Variants in TRAF5 observed in about 807,000 individuals in gnomAD.
The protein encoded by TRAF5 is TNF receptor-associated factor 5.
TRAF5 carries 48 observed loss-of-function variants against 64.5 expected under a neutral mutation model. The observed-to-expected ratio is 0.74, with a 90% CI of 0.59 to 0.95. TRAF5 has a LOEUF of 0.95. TRAF5 is among the 40% of genes least tolerant of loss of function. The pLI, the probability that TRAF5 is intolerant of heterozygous loss-of-function variation, is 0.00. For missense variants in TRAF5, 545 were observed against 662.8 expected (o/e 0.82, Z 1.95); for synonymous variants, 206 against 240.5 (o/e 0.86, Z 1.33).
At chr1:211,356,822 C>T (rs1033564653) in intron 4 of TRAF5, 2 of 181,592 alleles carry the variant, frequency 1.1e-5, no homozygotes, top group Admixed American at 1.2e-4. Flanking sequence ...CAGGGCATGA[C>T]TACAGAAAGA....
chr1:211,333,165 G>T (rs372240278), intron 1 of TRAF5, among the ~76,000 whole-genome samples: 1 of 152,152 alleles, frequency 6.6e-6, no homozygotes, highest in East Asian at 1.9e-4. Flanking sequence ...AATAGCTCTA[G>T]GCCCTTCTTT....
chr1:211,352,852 C>T (rs986871749), intron 1 of TRAF5, among the ~76,000 whole-genome samples: 6 of 152,130 alleles, frequency 3.9e-5, no homozygotes, highest in African/African-American at 1.2e-4. Context: ...ACCTGTGTTT[C>T]CATTCTCTCA....
intron 1 of TRAF5, among the ~76,000 whole-genome samples, chr1:211,345,365 C>G (rs1000128516): frequency 6.6e-6 from 1 of 151,902 alleles, no homozygotes; most frequent in Admixed American, 6.6e-5. Flanking sequence ...CTGCGCTCCC[C>G]CCCCCTCCTT....
intron 1 of TRAF5, among the ~76,000 whole-genome samples, chr1:211,329,986 C>G (rs907466140): frequency 1.3e-5 from 2 of 152,122 alleles, no homozygotes; most frequent in Non-Finnish European, 2.9e-5. Context: ...TCCAGCAAGT[C>G]CTATCTTGTG....
intron 4 of TRAF5, chr1:211,357,279 C>T (rs1158087526): frequency 6.6e-6 from 1 of 152,230 alleles, no homozygotes; most frequent in African/African-American, 2.4e-5. Context: ...TCAGTCTTTT[C>T]TCTATCACAC....
At chr1:211,341,620 G>A (rs934955482) in intron 1 of TRAF5, among the ~76,000 whole-genome samples, 4 of 152,276 alleles carry the variant, frequency 2.6e-5, no homozygotes, top group African/African-American at 9.6e-5. Context: ...CACCTGGAAG[G>A]TGTGTTTCCA....
chr1:211,336,185 C>T (rs528410405), intron 1 of TRAF5, among the ~76,000 whole-genome samples: 1 of 152,194 alleles, frequency 6.6e-6, no homozygotes, highest in South Asian at 2.1e-4. Flanking sequence ...ATCTCTAGCA[C>T]CTTGTACAAT....
At chr1:211,327,687 G>C (rs545482580) in intron 1 of TRAF5, among the ~76,000 whole-genome samples, 11 of 152,302 alleles carry the variant, frequency 7.2e-5, no homozygotes, top group African/African-American at 2.6e-4. Context: ...GACTTTCTCT[G>C]CTCATTCGGC....
At chr1:211,345,369 C>A (rs145920479) in intron 1 of TRAF5, among the ~76,000 whole-genome samples, 19 of 152,000 alleles carry the variant, frequency 1.3e-4, no homozygotes, top group Non-Finnish European at 1.6e-4. Context: ...GCTCCCCCCC[C>A]CTCCTTTTTT....
chr1:211,346,222 T>G, intron 1 of TRAF5: 1 of 297,214 alleles, frequency 3.4e-6, no homozygotes, highest in Non-Finnish European at 5.0e-6. Context: ...TACCAGTTCT[T>G]TGTCGAAATC....
Position 211,374,434 on chromosome 1 carries a change from G to C in TRAF5, c.*1732G>C, listed in dbSNP as rs936098490. On this transcript the variant is annotated 3_prime_UTR_variant, in exon 11 of 11. Coordinates refer to ENST00000261464, the MANE Select transcript of TRAF5 (RefSeq NM_001033910.3). ...AGCATGCTTTATATGAGTGTCTTCT[G>C]GGAAGAGGAACCTTCTTAATCTCTT... is the stretch of plus-strand genomic sequence containing the variant. 2.0e-5 allele frequency: 3 copies of C among 152,208 alleles called. No homozygotes were observed. The East Asian group carries it at 5.8e-4, about 29-fold the overall frequency. The allele number at this position is 152,208 out of a possible 1,614,324, so 9.4% of individuals were successfully genotyped here.
intron 1 of TRAF5, among the ~76,000 whole-genome samples, chr1:211,345,517 C>T (rs1044171633): frequency 4.6e-5 from 7 of 152,154 alleles, no homozygotes; most frequent in East Asian, 1.9e-4. Context: ...TCCAGAGACC[C>T]GTTGGGTCAC....
intron 1 of TRAF5, among the ~76,000 whole-genome samples, chr1:211,342,596 A>G (rs1268480734): frequency 3.3e-5 from 5 of 152,114 alleles, no homozygotes; most frequent in African/African-American, 2.4e-5. Context: ...TATTCTGACT[A>G]TATTTTTGTA....
At chr1:211,369,644 G>A in intron 9 of TRAF5, 52 bp downstream of exon 9, 3 of 1,485,966 alleles carry the variant, frequency 2.0e-6, no homozygotes, top group Non-Finnish European at 1.8e-6. Flanking sequence ...CAATTGCAGT[G>A]AGAGTTTTTC....
chr1:211,340,434 A>T (rs970960352), intron 1 of TRAF5, among the ~76,000 whole-genome samples: 3 of 152,030 alleles, frequency 2.0e-5, no homozygotes, highest in South Asian at 4.2e-4. Context: ...ACAGGTGTGC[A>T]CCACCACGCC....
At position 211,372,474 on chromosome 1, in the gene TRAF5, G is replaced by A. The variant is rs1426456563; in HGVS notation, c.1446G>A (p.Val482=). ...SLLQWPFRQR[V]TLMLLDQSGK... is the part of the protein sequence containing the mutation. ...TGCAGTGGCCATTCAGGCAGAGGGTGACCCTGATGCTTCTGGACCAGAGTG... is the reference window on the plus strand; with the variant it reads ...TGCAGTGGCCATTCAGGCAGAGGGTAACCCTGATGCTTCTGGACCAGAGTG... Residue 482 remains valine, a synonymous_variant, in exon 11 of 11, where the codon GTG becomes GTA. Transcript: ENST00000261464. The A allele has an allele frequency of 1.2e-6, 2 of 1,614,154 alleles. No individual in the cohort carries two copies. Among genetic ancestry groups the A allele is most frequent in the Non-Finnish European group, 1.7e-6 (2 of 1,180,026 alleles).
chr1:211,362,139 G>A (rs1303150515), intron 7 of TRAF5, among the ~76,000 whole-genome samples: 1 of 151,916 alleles, frequency 6.6e-6, no homozygotes, highest in Non-Finnish European at 1.5e-5. Flanking sequence ...ACTTAAAATC[G>A]TGTTTTAATA....
intron 1 of TRAF5, among the ~76,000 whole-genome samples, chr1:211,333,203 T>C (rs1702202233): frequency 1.3e-5 from 2 of 152,206 alleles, no homozygotes; most frequent in East Asian, 3.8e-4. Context: ...TTTGTTTTAT[T>C]TTTGAGACGG....
Position 211,343,634 on chromosome 1 carries a change from G to T in TRAF5, c.-1-9605G>T, listed in dbSNP as rs11582143. On this transcript the variant is annotated intron_variant, in intron 1 of 10. Coordinates refer to ENST00000261464, the MANE Select transcript of TRAF5 (RefSeq NM_001033910.3). ...CATATAATTAGCTGTCTCTGTGCTT[G>T]GACATAGCCTCAGTACTTGTAATCC... Among the ~76,000 whole-genome samples, 72 of 152,076 alleles carry T rather than the reference G, an allele frequency of 4.7e-4. 1 individual carries two copies. Among genetic ancestry groups the T allele is most frequent in the South Asian group, 2.7e-3 (13 of 4,816 alleles).
Sources: gnomAD v4.1 joint callset for allele counts (sites outside exome capture counted in the v4.1 genomes callset) on GRCh38, gnomAD v4.1.1 for gene constraint, MANE v1.5 for transcripts, NCBI Gene and HGNC (gene_info 2026-07-23, HGNC 2026-07-21) for gene names.